Variants in CDH20 observed in about 807,000 individuals in gnomAD.
CDH20 encodes the protein cadherin-20.
In CDH20, 29 loss-of-function variants were observed where a neutral mutation model predicts 74.2. The observed-to-expected ratio is 0.39, with a 90% CI of 0.29 to 0.53. The LOEUF is 0.53. Ranked by LOEUF, CDH20 falls within the 20% of genes least tolerant of loss-of-function variation. The probability of loss-of-function intolerance (pLI) is 0.69; values close to 1 mark genes in which losing one functional copy is unlikely to be tolerated. For missense variants in CDH20, 988 were observed against 1,048.3 expected (o/e 0.94, Z 0.79); for synonymous variants, 469 against 405.4 (o/e 1.16, Z -1.88).
chr18:61,394,947 G>T (rs186402471), intron 1 of CDH20, among the ~76,000 whole-genome samples: 1 of 151,918 alleles, frequency 6.6e-6, no homozygotes, highest in African/African-American at 2.4e-5. Context: ...CTCCTTGCCC[G>T]AAGAGGAACC....
intron 1 of CDH20, among the ~76,000 whole-genome samples, chr18:61,372,696 T>C (rs1309742020): frequency 2.0e-5 from 3 of 152,156 alleles, no homozygotes; most frequent in African/African-American, 2.4e-5. Context: ...TAAAGCTTTA[T>C]TGGAAAACAG....
At chr18:61,501,374 C>G (rs72993749) in intron 4 of CDH20, among the ~76,000 whole-genome samples, 4 of 152,098 alleles carry the variant, frequency 2.6e-5, no homozygotes, top group Non-Finnish European at 5.9e-5. Context: ...GCCAGGCTTC[C>G]CCTCTTATTA....
intron 1 of CDH20, among the ~76,000 whole-genome samples, chr18:61,379,593 G>T (rs761793855): frequency 6.6e-6 from 1 of 152,144 alleles, no homozygotes; most frequent in South Asian, 2.1e-4. Flanking sequence ...TTTTGGTATC[G>T]TGAGATAGTT....
intron 1 of CDH20, among the ~76,000 whole-genome samples, chr18:61,407,427 T>C (rs977862178): frequency 3.9e-5 from 6 of 152,042 alleles, no homozygotes; most frequent in Admixed American, 6.6e-5. Flanking sequence ...GAGGTTGGGG[T>C]GGGGGAAGTC....
At chr18:61,417,306 T>G (rs1912717981) in intron 1 of CDH20, among the ~76,000 whole-genome samples, 1 of 152,080 alleles carries the variant, frequency 6.6e-6, no homozygotes, top group Non-Finnish European at 1.5e-5. Context: ...TAAGGGTATT[T>G]AGACATTATC....
intron 1 of CDH20, among the ~76,000 whole-genome samples, chr18:61,351,373 T>C (rs764429036): frequency 2.0e-5 from 3 of 152,190 alleles, no homozygotes; most frequent in Non-Finnish European, 2.9e-5. Context: ...CTTTAAATCA[T>C]GCTCTTGCCT....
At chr18:61,447,492 G>T (rs1486502450) in intron 1 of CDH20, among the ~76,000 whole-genome samples, 1 of 152,304 alleles carries the variant, frequency 6.6e-6, no homozygotes, top group Non-Finnish European at 1.5e-5. Flanking sequence ...AGAGATTGGC[G>T]ACGAGCAGCC....
At chr18:61,383,470 A>T (rs1911501454) in intron 1 of CDH20, among the ~76,000 whole-genome samples, 1 of 152,132 alleles carries the variant, frequency 6.6e-6, no homozygotes, top group South Asian at 2.1e-4. Flanking sequence ...AATCCCAGCT[A>T]CTTGGTAGAC....
intron 9 of CDH20, among the ~76,000 whole-genome samples, chr18:61,541,689 A>G (rs1180484935): frequency 6.6e-6 from 1 of 152,152 alleles, no homozygotes; most frequent in Admixed American, 6.6e-5. Flanking sequence ...TACAGCTCAG[A>G]GATACATCTG....
At chr18:61,430,718 T>A (rs1212295993) in intron 1 of CDH20, among the ~76,000 whole-genome samples, 1 of 152,226 alleles carries the variant, frequency 6.6e-6, no homozygotes, top group Non-Finnish European at 1.5e-5. Context: ...ATTTTATTGT[T>A]CAAATTGTTC....
At chr18:61,522,446 C>T (rs1912245555) in intron 6 of CDH20, among the ~76,000 whole-genome samples, 2 of 152,194 alleles carry the variant, frequency 1.3e-5, no homozygotes, top group Admixed American at 1.3e-4. Context: ...ACATTCCATG[C>T]TCATGGATAG....
At chr18:61,470,689 AGAAAG>A (rs1910140284) in intron 1 of CDH20, among the ~76,000 whole-genome samples, 1 of 152,228 alleles carries the variant, frequency 6.6e-6, no homozygotes, top group Non-Finnish European at 1.5e-5. Context: ...GTGAAGAGGA[AGAAAG>A]GAAAGAATTT....
intron 1 of CDH20, chr18:61,334,370 C>G (rs1909680837): frequency 6.6e-6 from 1 of 152,226 alleles, no homozygotes; most frequent in Admixed American, 6.5e-5. Context: ...GCGCCCCCGC[C>G]GGAGCTCGGC....
At chr18:61,437,469 T>C (rs1048882556) in intron 1 of CDH20, among the ~76,000 whole-genome samples, 1 of 152,160 alleles carries the variant, frequency 6.6e-6, no homozygotes, top group Non-Finnish European at 1.5e-5. Flanking sequence ...TTATTAAATA[T>C]TGTTAAATGA....
chr18:61,392,647 C>T (rs1036009366), intron 1 of CDH20, among the ~76,000 whole-genome samples: 13 of 152,234 alleles, frequency 8.5e-5, no homozygotes, highest in Non-Finnish European at 1.5e-5. Flanking sequence ...ATATTAAACA[C>T]ATTTTAGAGA....
In CDH20 at chr18:61,383,549, C is replaced by G. The variant is rs140596258; in HGVS notation, c.-153+49722C>G. 2.5e-3 allele frequency among the ~76,000 whole-genome samples: 375 copies of G among 151,896 alleles called. 2 individuals are homozygous for G. Among genetic ancestry groups the G allele is most frequent in the African/African-American group, 8.8e-3 (363 of 41,416 alleles). ...TGAACCTAGATTGTGCCACTGCACT[C>G]CAGCCTGGGAGACAGAGCTAGGCTC... is the stretch of plus-strand genomic sequence containing the variant. On this transcript the variant is annotated intron_variant, in intron 1 of 11. Transcript: ENST00000262717.
At chr18:61,546,479 G>A (rs1913253763) in intron 10 of CDH20, among the ~76,000 whole-genome samples, 1 of 152,140 alleles carries the variant, frequency 6.6e-6, no homozygotes, top group Non-Finnish European at 1.5e-5. Flanking sequence ...ATATCCTGAA[G>A]TTTTTATTGG....
intron 1 of CDH20, among the ~76,000 whole-genome samples, chr18:61,336,794 G>T (rs1208237814): frequency 1.5e-5 from 2 of 131,086 alleles, no homozygotes; most frequent in African/African-American, 5.6e-5. Flanking sequence ...GCAGTGGCGA[G>T]AACATAAATC....
At chr18:61,444,120 A>G (rs1909120647) in intron 1 of CDH20, among the ~76,000 whole-genome samples, 1 of 152,020 alleles carries the variant, frequency 6.6e-6, no homozygotes, top group Non-Finnish European at 1.5e-5. Flanking sequence ...TTAAGTAAAT[A>G]CTTGTGTATT....
Sources: gnomAD v4.1 joint callset for allele counts (sites outside exome capture counted in the v4.1 genomes callset) on GRCh38, gnomAD v4.1.1 for gene constraint, MANE v1.5 for transcripts, NCBI Gene and HGNC (gene_info 2026-07-23, HGNC 2026-07-21) for gene names.